The following CYTH1 variants were observed in gnomAD, a reference collection of about 807,000 sequenced individuals.
CYTH1 encodes the protein cytohesin-1.
A neutral mutation model predicts 61.8 loss-of-function variants in CYTH1; 18 were observed. The observed-to-expected ratio is 0.29, with a 90% CI of 0.20 to 0.43. The LOEUF is 0.43. Ranked by LOEUF, CYTH1 falls within the 20% of genes least tolerant of loss-of-function variation. The pLI is 1.00. For synonymous variants in CYTH1, 174 were observed against 184.3 expected (o/e 0.94, Z 0.45); for missense variants, 336 against 510.5 (o/e 0.66, Z 3.29).
intron 1 of CYTH1, among the ~76,000 whole-genome samples, chr17:78,770,714 G>T (rs947070858): frequency 6.6e-6 from 1 of 152,098 alleles, no homozygotes; most frequent in African/African-American, 2.4e-5. Flanking sequence ...CTGAAAATAG[G>T]TTTTTTTAAT....
At chr17:78,745,042 A>G (rs1009732266) in intron 1 of CYTH1, among the ~76,000 whole-genome samples, 1 of 152,142 alleles carries the variant, frequency 6.6e-6, no homozygotes, top group Admixed American at 6.5e-5. Flanking sequence ...CACAAAACTG[A>G]AAAACTGTGT....
At chr17:78,698,408 T>A in intron 8 of CYTH1, 28 bp from the exon 9 acceptor site, 1 of 1,538,372 alleles carries the variant, frequency 6.5e-7, no homozygotes, top group African/African-American at 1.4e-5. Context: ...AATTTATGTC[T>A]CTGATTCTAG....
intron 1 of CYTH1, among the ~76,000 whole-genome samples, chr17:78,744,713 G>A (rs2093353284): frequency 6.6e-6 from 1 of 152,090 alleles, no homozygotes; most frequent in African/African-American, 2.4e-5. Context: ...GCCATTCCTT[G>A]ACATAGGCTT....
chr17:78,740,312 C>T (rs528584205), intron 1 of CYTH1, among the ~76,000 whole-genome samples: 1 of 152,330 alleles, frequency 6.6e-6, no homozygotes, highest in South Asian at 2.1e-4. Flanking sequence ...TTAAAGGCCC[C>T]ATCATTCCTT....
chr17:78,766,956 C>T (rs1327043333), intron 1 of CYTH1, among the ~76,000 whole-genome samples: 1 of 152,198 alleles, frequency 6.6e-6, no homozygotes, highest in Non-Finnish European at 1.5e-5. Flanking sequence ...CTCTCTACTT[C>T]TCCATTTCCT....
At chr17:78,720,337 G>A (rs967977023) in intron 1 of CYTH1, among the ~76,000 whole-genome samples, 2 of 151,986 alleles carry the variant, frequency 1.3e-5, no homozygotes, top group Non-Finnish European at 2.9e-5. Context: ...GTTTGTTTTT[G>A]AGATGGAGTC....
intron 1 of CYTH1, among the ~76,000 whole-genome samples, chr17:78,751,265 C>A (rs76266422): frequency 0.02 from 3,106 of 152,254 alleles, 94 homozygotes; most frequent in South Asian, 0.15. Flanking sequence ...AGATGTGAGC[C>A]ACCATGCCCA....
rs189115019 is a variant in CYTH1 at position 78,686,754 on chromosome 17, C to T, written c.891+5663G>A. 7.1e-4 allele frequency among the ~76,000 whole-genome samples: 108 copies of T among 152,216 alleles called. 1 individual carries two copies. Among genetic ancestry groups the T allele is most frequent in the Non-Finnish European group, 1.0e-3 (71 of 68,002 alleles). The stretch of plus-strand genomic sequence containing the variant: ...AAGATGGTTCGGGATGATTCGAGCA[C>T]ATTACATTTTTTTAAGTTAATTAAT... On this transcript the variant is annotated intron_variant, in intron 11 of 13. Transcript: ENST00000446868.
At chr17:78,689,761 T>C (rs2092858403) in intron 11 of CYTH1, among the ~76,000 whole-genome samples, 1 of 152,186 alleles carries the variant, frequency 6.6e-6, no homozygotes, top group Non-Finnish European at 1.5e-5. Flanking sequence ...CGGCTGCTTT[T>C]TTCACTTTTC....
chr17:78,692,578 CAG>C, intron 10 of CYTH1, 85 bp from the exon 11 acceptor site: 8 of 1,296,622 alleles, frequency 6.2e-6, no homozygotes, highest in Non-Finnish European at 8.9e-6. Flanking sequence ...CCTCTCTTCT[CAG>C]AGAGGGTTGG....
At chr17:78,722,876 C>T (rs1159989465) in intron 1 of CYTH1, among the ~76,000 whole-genome samples, 2 of 152,252 alleles carry the variant, frequency 1.3e-5, no homozygotes, top group Non-Finnish European at 2.9e-5. Context: ...GGGTGGCAGG[C>T]CTAGAGGGGA....
chr17:78,756,038 T>A (rs192151234), intron 1 of CYTH1, among the ~76,000 whole-genome samples: 3 of 151,758 alleles, frequency 2.0e-5, no homozygotes, highest in Non-Finnish European at 2.9e-5. Flanking sequence ...GCTGAATATA[T>A]CCCATCAAAT....
At chr17:78,760,669 A>C (rs1489421075) in intron 1 of CYTH1, among the ~76,000 whole-genome samples, 1 of 149,618 alleles carries the variant, frequency 6.7e-6, no homozygotes, top group African/African-American at 2.5e-5. Flanking sequence ...CTAGAAAATC[A>C]AAAATCGCAT....
chr17:78,761,746 A>C (rs2093429775), intron 1 of CYTH1, among the ~76,000 whole-genome samples: 1 of 152,222 alleles, frequency 6.6e-6, no homozygotes. Flanking sequence ...TCAAAAACAA[A>C]AAAAAAAGAG....
At chr17:78,763,218 C>A (rs2093435602) in intron 1 of CYTH1, among the ~76,000 whole-genome samples, 1 of 151,586 alleles carries the variant, frequency 6.6e-6, no homozygotes, top group South Asian at 2.1e-4. Context: ...TGGCATATGC[C>A]TGTAGTCCCA....
chr17:78,712,761 C>T (rs1440815960), intron 1 of CYTH1, among the ~76,000 whole-genome samples: 2 of 151,974 alleles, frequency 1.3e-5, no homozygotes, highest in African/African-American at 4.8e-5. Context: ...GTTTGAAAAA[C>T]ACTCTTCCTT....
intron 1 of CYTH1, among the ~76,000 whole-genome samples, chr17:78,712,097 G>A (rs1046718787): frequency 2.5e-5 from 3 of 121,584 alleles, no homozygotes; most frequent in African/African-American, 9.2e-5. Flanking sequence ...AAGAAGGAAA[G>A]AAGGAAGGAA....
At chr17:78,761,195 C>G (rs546595362) in intron 1 of CYTH1, among the ~76,000 whole-genome samples, 5 of 152,286 alleles carry the variant, frequency 3.3e-5, no homozygotes, top group African/African-American at 1.2e-4. Flanking sequence ...TGCACACATT[C>G]TGGTACACAA....
At chr17:78,711,875 GGA>G (rs2093135978) in intron 1 of CYTH1, among the ~76,000 whole-genome samples, 1 of 151,676 alleles carries the variant, frequency 6.6e-6, no homozygotes, top group Non-Finnish European at 1.5e-5. Context: ...GAGCCCATTG[GGA>G]CCAGCATGGA....
Sources: allele counts gnomAD v4.1 joint callset (sites outside exome capture counted in the v4.1 genomes callset), GRCh38; gene constraint gnomAD v4.1.1; transcripts MANE v1.5; gene names NCBI Gene and HGNC (gene_info 2026-07-23, HGNC 2026-07-21).